Variants in PAK4 observed in about 807,000 individuals in gnomAD.
PAK4 encodes the protein serine/threonine-protein kinase PAK 4.
PAK4 carries 49 observed loss-of-function variants against 53.5 expected under a neutral mutation model. The observed-to-expected ratio is 0.92, with a 90% CI of 0.73 to 1.16. The LOEUF (loss-of-function observed/expected upper bound fraction) is 1.16, where lower values mean the gene tolerates loss of function less well. Ranked by LOEUF, PAK4 falls within the 50% of genes most tolerant of loss-of-function variation. The pLI, the probability that PAK4 is intolerant of heterozygous loss-of-function variation, is 0.00. For missense variants in PAK4, 824 were observed against 850.7 expected, an observed-to-expected ratio of 0.97 and a Z score of 0.39; for synonymous variants, 376 against 375.6, an observed-to-expected ratio of 1.00 and a Z score of -0.01.
intron 1 of PAK4, among the ~76,000 whole-genome samples, chr19:39,157,473 A>G (rs2074205208): frequency 6.6e-6 from 1 of 152,130 alleles, no homozygotes; most frequent in Admixed American, 6.5e-5. Context: ...GCCCATGTGC[A>G]GGCTGGCTGA....
At position 39,178,602 on chromosome 19, in the gene PAK4, C is replaced by A. The variant is rs2074659429; in HGVS notation, c.*23C>A. On this transcript the variant is annotated 3_prime_UTR_variant, in exon 9 of 9. Coordinates refer to ENST00000358301, the Ensembl canonical transcript of PAK4. The surrounding 1 kb of genome is among the most constrained non-coding windows in gnomAD (Gnocchi z 4.4). ...TGAGGCCCAGCGCCCTTCCCCTCAACCAAAGAGCCCCCCGGGTCACCCCCG... is the reference window on the plus strand; with the variant it reads ...TGAGGCCCAGCGCCCTTCCCCTCAAACAAAGAGCCCCCCGGGTCACCCCCG... 6.5e-7 allele frequency: 1 copy of A among 1,550,332 alleles called. No individual in the cohort carries two copies. The highest frequency in any genetic ancestry group is 1.8e-5 in the Admixed American group (1 of 54,870).
In PAK4 at chr19:39,178,401, G is replaced by T; in HGVS notation, c.1621-23G>T. On this transcript the variant is annotated intron_variant, in intron 8 of 8. Transcript: ENST00000358301. The surrounding 1 kb of genome is among the most constrained non-coding windows in gnomAD (Gnocchi z 4.4). ...TGAACAGTGGGGAGCCTCGCCCCCT[G>T]ACCCTCCCCTCCTTCTCGACAGGTG... 6.4e-7 allele frequency: 1 copy of T among 1,566,344 alleles called. No homozygotes were observed. Among genetic ancestry groups the T allele is most frequent in the South Asian group, 1.2e-5 (1 of 85,106 alleles).
At chr19:39,127,394 C>T (rs73044461) in intron 1 of PAK4, among the ~76,000 whole-genome samples, 11,302 of 152,060 alleles carry the variant, frequency 0.074, 551 homozygotes, top group East Asian at 0.15. Context: ...ACTGACGGGT[C>T]GCTCACTCTC....
intron 1 of PAK4, among the ~76,000 whole-genome samples, chr19:39,138,224 T>C (rs1264830145): frequency 6.6e-6 from 1 of 152,042 alleles, no homozygotes; most frequent in Non-Finnish European, 1.5e-5. Context: ...TTTTTTGTTG[T>C]TGTATTTTTA....
At position 39,128,277 on chromosome 19, in the gene PAK4, T is replaced by C. The variant is rs568235807; in HGVS notation, c.-23+2358T>C. Among the ~76,000 whole-genome samples, 13 of 152,300 alleles carry C rather than the reference T, an allele frequency of 8.5e-5. No homozygotes were observed. In the South Asian group the frequency reaches 2.7e-3, roughly 32 times the overall value. On this transcript the variant is annotated intron_variant, in intron 1 of 8. Transcript: ENST00000358301. Reference sequence around the variant, plus strand: ...GTGTAAGCATTAGTCTTGCTGCTGCTGCTGCTGCCACCCCACCACTGCCTG... The same window carrying C: ...GTGTAAGCATTAGTCTTGCTGCTGCCGCTGCTGCCACCCCACCACTGCCTG...
chr19:39,177,204 C>G (rs1175839158), intron 7 of PAK4, among the ~76,000 whole-genome samples: 1 of 152,206 alleles, frequency 6.6e-6, no homozygotes, highest in African/African-American at 2.4e-5. Flanking sequence ...CACAGGCCGG[C>G]TTTCCCCTTG....
chr19:39,131,382 G>A (rs2073707558), intron 1 of PAK4, among the ~76,000 whole-genome samples: 1 of 152,114 alleles, frequency 6.6e-6, no homozygotes, highest in Admixed American at 6.5e-5. Flanking sequence ...CGTCCCACTG[G>A]CTCGTGGTGA....
At chr19:39,146,897 G>A (rs1169339334) in intron 1 of PAK4, among the ~76,000 whole-genome samples, 1 of 151,000 alleles carries the variant, frequency 6.6e-6, no homozygotes, top group African/African-American at 2.4e-5. Flanking sequence ...GGGAGAGGGG[G>A]GAAGGAAGGA....
intron 1 of PAK4, among the ~76,000 whole-genome samples, chr19:39,164,095 G>A (rs552678952): frequency 6.6e-6 from 1 of 152,020 alleles, no homozygotes; most frequent in East Asian, 1.9e-4. Flanking sequence ...TGGCCAACAT[G>A]GTAAAACCCC....
In PAK4 at chr19:39,178,262, T is replaced by C. The variant is rs937299655; in HGVS notation, c.1621-162T>C. 5.3e-5 allele frequency among the ~76,000 whole-genome samples: 8 copies of C among 152,074 alleles called. No individual in the cohort carries two copies. The highest frequency in any genetic ancestry group is 1.9e-4 in the East Asian group (1 of 5,176). On this transcript the variant is annotated intron_variant, in intron 8 of 8. Coordinates refer to ENST00000358301, the Ensembl canonical transcript of PAK4. The surrounding 1 kb of genome is among the most constrained non-coding windows in gnomAD (Gnocchi z 4.4). ...CCATCACAGGTGCCATCACTGTCCC[T>C]GTCCCGTCTACACCCCAAGATCTAG... is the stretch of plus-strand genomic sequence containing the variant.
chr19:39,176,993 C>T (rs1476127661), intron 7 of PAK4, among the ~76,000 whole-genome samples: 1 of 152,096 alleles, frequency 6.6e-6, no homozygotes, highest in African/African-American at 2.4e-5. Context: ...CTCAGCCTCC[C>T]GAGAAGCTGG....
chr19:39,149,729 G>A (rs1457076078), intron 1 of PAK4, among the ~76,000 whole-genome samples: 2 of 152,084 alleles, frequency 1.3e-5, no homozygotes, highest in African/African-American at 2.4e-5. Context: ...GGTGGTGGGC[G>A]CCTGTAGTCC....
chr19:39,142,909 ACCT>A (rs755255983), intron 1 of PAK4, among the ~76,000 whole-genome samples: 6 of 150,850 alleles, frequency 4.0e-5, no homozygotes, highest in African/African-American at 1.2e-4. Flanking sequence ...TTTAACATAA[ACCT>A]CCTTGACCTC....
intron 7 of PAK4, among the ~76,000 whole-genome samples, 162 bp from the exon 9 acceptor site, chr19:39,177,513 A>G (rs2074630879): frequency 6.6e-6 from 1 of 152,076 alleles, no homozygotes; most frequent in Non-Finnish European, 1.5e-5. Context: ...CTGGAGGACT[A>G]GTGCTCTGTG....
At position 39,177,943 on chromosome 19, in the gene PAK4, C is replaced by A. The variant is rs1420058105; in HGVS notation, c.1620+134C>A. On this transcript the variant is annotated intron_variant, in intron 8 of 8. Coordinates refer to ENST00000358301, the Ensembl canonical transcript of PAK4. ...CGCTTACTGTGTGCTGGGCCCCCCA[C>A]CCCCGGGCCTCATGTGTCTGTGCAG... is the stretch of plus-strand genomic sequence containing the variant. 5.9e-6 allele frequency: 6 copies of A among 1,020,030 alleles called. No individual in the cohort carries two copies. The African/African-American group carries it at 9.8e-5, about 17-fold the overall frequency. 63.2% of individuals were successfully genotyped at this position (1,020,030 alleles called of 1,614,324 possible). A position where few individuals can be genotyped will look rare whatever the true frequency, so the allele number is the denominator to read the frequency against.
At chr19:39,145,853 G>A (rs185565702) in intron 1 of PAK4, among the ~76,000 whole-genome samples, 1 of 151,830 alleles carries the variant, frequency 6.6e-6, no homozygotes, top group South Asian at 2.1e-4. Context: ...TTCTTGGAGA[G>A]GCCCTCTGGC....
chr19:39,131,648 C>G lies in PAK4; in HGVS notation c.-23+5729C>G, dbSNP rs182147772. Among the ~76,000 whole-genome samples, 221 of 152,324 alleles carry G rather than the reference C, an allele frequency of 1.5e-3. 1 individual carries two copies. Among genetic ancestry groups the G allele is most frequent in the African/African-American group, 5.1e-3 (210 of 41,574 alleles). On this transcript the variant is annotated intron_variant, in intron 1 of 8. Coordinates refer to ENST00000358301, the Ensembl canonical transcript of PAK4. ...CACTCTCCCATCCCAGGGGAGCCAG[C>G]GCTGGCGGATGCGACAGAAGCCACC...
At chr19:39,169,968 C>T (rs1159499489) in intron 2 of PAK4, among the ~76,000 whole-genome samples, 1 of 98,230 alleles carries the variant, frequency 1.0e-5, no homozygotes. Context: ...GCCACCCCAA[C>T]CTGAGCCTCC....
In PAK4 at chr19:39,134,687, C is replaced by T. The variant is rs369751450; in HGVS notation, c.-23+8768C>T. On this transcript the variant is annotated intron_variant, in intron 1 of 8. Transcript: ENST00000358301. Reference sequence around the variant, plus strand: ...CAATCTTGGCTCACTGCAGCCTCTGCCTCCTGGGTTCAAGCGATTCACCTG... The same window carrying T: ...CAATCTTGGCTCACTGCAGCCTCTGTCTCCTGGGTTCAAGCGATTCACCTG... Among the ~76,000 whole-genome samples, 9 of 152,000 alleles carry T rather than the reference C, an allele frequency of 5.9e-5. No homozygotes were observed. In the South Asian group the frequency reaches 1.2e-3, roughly 21 times the overall value.
Sources: allele counts gnomAD v4.1 joint callset (sites outside exome capture counted in the v4.1 genomes callset), GRCh38; gene constraint gnomAD v4.1.1; non-coding constraint Gnocchi (gnomAD v3.1); transcripts MANE v1.5; gene names NCBI Gene and HGNC (gene_info 2026-07-23, HGNC 2026-07-21).